COX7A2L: variants seen among roughly 807,000 people sequenced by gnomAD.
COX7A2L encodes cytochrome c oxidase subunit 7A2-like, mitochondrial.
In COX7A2L, 18 loss-of-function variants were observed where a neutral mutation model predicts 14.2. That is an observed-to-expected ratio of 1.27 (90% CI 0.88 to 1.88). The LOEUF (loss-of-function observed/expected upper bound fraction) is 1.88. COX7A2L is among the 40% of genes most tolerant of loss of function. The pLI, the probability that COX7A2L is intolerant of heterozygous loss-of-function variation, is 0.00. For missense variants in COX7A2L, 179 were observed against 138.8 expected, an observed-to-expected ratio of 1.29 and a Z score of -1.46; for synonymous variants, 65 against 57.4, an observed-to-expected ratio of 1.13 and a Z score of -0.60.
In COX7A2L at chr2:42,350,196, T is replaced by A. The variant is rs1670594717; in HGVS notation, c.*1023A>T. 6.6e-6 allele frequency: 1 copy of A among 152,134 alleles called. No homozygotes were observed. Among genetic ancestry groups the A allele is most frequent in the Non-Finnish European group, 1.5e-5 (1 of 68,020 alleles). The allele number at this position is 152,134 out of a possible 1,614,324, so 9.4% of individuals were successfully genotyped here. ...ACTATTCCTTCATATATAATAAAAT[T>A]CCACCTTTTTTCAAAATTAATATAG... On this transcript the variant is annotated 3_prime_UTR_variant, in exon 3 of 3. Transcript: ENST00000234301.
chr2:42,357,421 G>T (rs1023067711), intron 1 of COX7A2L, among the ~76,000 whole-genome samples: 1 of 152,044 alleles, frequency 6.6e-6, no homozygotes, highest in Non-Finnish European at 1.5e-5. Flanking sequence ...TGATCCTTCC[G>T]CGTCAGCCTC....
intron 2 of COX7A2L, among the ~76,000 whole-genome samples, chr2:42,341,657 C>T (rs1670406155): frequency 6.6e-6 from 1 of 152,194 alleles, no homozygotes; most frequent in South Asian, 2.1e-4. Context: ...CTCAAGAGTA[C>T]TTAGTTCCAG....
intron 1 of COX7A2L, among the ~76,000 whole-genome samples, chr2:42,360,588 C>T (rs994201389): frequency 7.2e-5 from 11 of 152,166 alleles, no homozygotes; most frequent in African/African-American, 1.4e-4. Flanking sequence ...GTTAAGTAAC[C>T]TGTTAAATTT....
intron 1 of COX7A2L, among the ~76,000 whole-genome samples, chr2:42,360,598 T>A (rs1403270032): frequency 6.6e-6 from 1 of 152,170 alleles, no homozygotes; most frequent in Non-Finnish European, 1.5e-5. Context: ...CTGTTAAATT[T>A]CCCAACCCAG....
chr2:42,358,686 G>A (rs1428947045), intron 1 of COX7A2L, among the ~76,000 whole-genome samples: 1 of 152,182 alleles, frequency 6.6e-6, no homozygotes, highest in Non-Finnish European at 1.5e-5. Context: ...ACGAGGAGAG[G>A]TACTAGAAAT....
chr2:42,348,736 G>A (rs1239610339), downstream of COX7A2L, among the ~76,000 whole-genome samples: 1 of 152,104 alleles, frequency 6.6e-6, no homozygotes, highest in Non-Finnish European at 1.5e-5. Context: ...GGCCTACATG[G>A]TGAAACCCCA....
upstream of COX7A2L, among the ~76,000 whole-genome samples, chr2:42,363,622 T>C (rs1671103876): frequency 6.6e-6 from 1 of 152,214 alleles, no homozygotes; most frequent in Non-Finnish European, 1.5e-5. Context: ...GGATGTCACA[T>C]GGAATGGCTG....
intron 2 of COX7A2L, among the ~76,000 whole-genome samples, chr2:42,352,457 C>A (rs998369232): frequency 2.0e-5 from 3 of 152,146 alleles, no homozygotes; most frequent in Non-Finnish European, 4.4e-5. Flanking sequence ...CTGTTTAACT[C>A]ATATTTTGCA....
At chr2:42,352,093 TG>T (rs2103889942) in intron 2 of COX7A2L, among the ~76,000 whole-genome samples, 1 of 152,354 alleles carries the variant, frequency 6.6e-6, no homozygotes, top group South Asian at 2.1e-4. Context: ...CAAGTCCATT[TG>T]GCATTCAACT....
intron 1 of COX7A2L, among the ~76,000 whole-genome samples, chr2:42,355,064 C>T (rs1345514787): frequency 1.3e-5 from 2 of 152,214 alleles, no homozygotes; most frequent in Non-Finnish European, 2.9e-5. Context: ...AGAGCCCTGG[C>T]TTTTAAGTAT....
chr2:42,347,307 CTTTTTTTTTTT>C (rs10718452), downstream of COX7A2L, among the ~76,000 whole-genome samples: 1 of 135,052 alleles, frequency 7.4e-6, no homozygotes, highest in Non-Finnish European at 1.6e-5. Context: ...AAACCAGCAC[CTTTTTTTTTTT>C]TTTTTTTTTA....
rs554352422 is a variant in COX7A2L, at chr2:42,338,825, C to T, written c.193-4956G>A. Among the ~76,000 whole-genome samples, 4 of 152,140 alleles carry T rather than the reference C, an allele frequency of 2.6e-5. No homozygotes were observed. Among genetic ancestry groups the T allele is most frequent in the Non-Finnish European group, 5.9e-5 (4 of 68,032 alleles). On this transcript the variant is annotated intron_variant, in intron 2 of 2. Coordinates refer to the COX7A2L transcript ENST00000468711. The surrounding 1 kb of genome is among the most constrained non-coding windows in gnomAD (Gnocchi z 4.4). The stretch of plus-strand genomic sequence containing the variant: ...GAGGTGGGTTTAGGTGTTATCTGTG[C>T]GGCAGAGGTACCATCTCCCATGTCT...
chr2:42,357,571 G>A (rs576815518), intron 1 of COX7A2L, among the ~76,000 whole-genome samples: 6 of 151,786 alleles, frequency 4.0e-5, no homozygotes, highest in East Asian at 1.9e-4. Flanking sequence ...CCTGGCCTCC[G>A]GAAACACTGG....
downstream of COX7A2L, among the ~76,000 whole-genome samples, chr2:42,346,109 G>C (rs1384863478): frequency 1.3e-5 from 2 of 152,142 alleles, no homozygotes; most frequent in Non-Finnish European, 2.9e-5. Context: ...GCACCAAACA[G>C]CTGACTGGCC....
upstream of COX7A2L, among the ~76,000 whole-genome samples, chr2:42,364,284 C>G (rs1479351342): frequency 6.7e-6 from 1 of 148,710 alleles, no homozygotes; most frequent in African/African-American, 2.5e-5. Context: ...GACAGTGGGT[C>G]TGGCAGAGAT....
chr2:42,354,076 G>A (rs545405068), intron 1 of COX7A2L, among the ~76,000 whole-genome samples: 1 of 152,298 alleles, frequency 6.6e-6, no homozygotes, highest in African/African-American at 2.4e-5. Context: ...GGTTGCTTCA[G>A]GTGGGGGCTT....
chr2:42,366,579 A>G (rs1671169646), intron 1 of COX7A2L, among the ~76,000 whole-genome samples: 1 of 152,260 alleles, frequency 6.6e-6, no homozygotes, highest in African/African-American at 2.4e-5. Flanking sequence ...CAAAGATTAA[A>G]TAAGATGGTA....
At chr2:42,352,510 C>T (rs553695654) in intron 2 of COX7A2L, among the ~76,000 whole-genome samples, 49 of 152,270 alleles carry the variant, frequency 3.2e-4, no homozygotes, top group African/African-American at 9.6e-4. Context: ...ATTCTAAATG[C>T]TCTCTCAAAC....
upstream of COX7A2L, chr2:42,365,855 A>G (rs1671154433): frequency 6.6e-6 from 1 of 152,198 alleles, no homozygotes; most frequent in South Asian, 2.1e-4. Flanking sequence ...TTAACACTAT[A>G]GTGGTTCTTC....
Sources: allele counts gnomAD v4.1 joint callset (sites outside exome capture counted in the v4.1 genomes callset), GRCh38; gene constraint gnomAD v4.1.1; non-coding constraint Gnocchi (gnomAD v3.1); transcripts MANE v1.5; gene names NCBI Gene and HGNC (gene_info 2026-07-23, HGNC 2026-07-21).